Variants in PPP3CA observed in about 807,000 individuals in gnomAD.
The protein encoded by PPP3CA is CAM-PRP catalytic subunit.
Under a neutral mutation model 66.5 loss-of-function variants are expected in PPP3CA, and 14 were observed. The ratio of observed to expected loss-of-function variants is 0.21; its 90% CI spans 0.14 to 0.33. The LOEUF (loss-of-function observed/expected upper bound fraction) is 0.33. PPP3CA is among the 10% of genes least tolerant of loss of function. The pLI is 1.00. For synonymous variants in PPP3CA, 232 were observed against 226.2 expected, an observed-to-expected ratio of 1.03 and a Z score of -0.23; for missense variants, 317 against 639.5, an observed-to-expected ratio of 0.50 and a Z score of 5.44.
chr4:101,136,094 T>C (rs907707802), intron 2 of PPP3CA, among the ~76,000 whole-genome samples: 2 of 152,348 alleles, frequency 1.3e-5, no homozygotes, highest in Non-Finnish European at 2.9e-5. Context: ...TTTATCTATT[T>C]TTAAACAACA....
intron 1 of PPP3CA, among the ~76,000 whole-genome samples, chr4:101,321,624 G>T (rs1729044178): frequency 6.6e-6 from 1 of 152,126 alleles, no homozygotes; most frequent in South Asian, 2.1e-4. Flanking sequence ...TTCACTTGTT[G>T]TTGTCATCTG....
chr4:101,169,841 A>G (rs1183917779), intron 2 of PPP3CA, among the ~76,000 whole-genome samples: 1 of 152,110 alleles, frequency 6.6e-6, no homozygotes, highest in Non-Finnish European at 1.5e-5. Context: ...TTTACAAACC[A>G]TGCTTTTAAG....
At chr4:101,319,541 A>C (rs867958328) in intron 1 of PPP3CA, among the ~76,000 whole-genome samples, 3 of 152,188 alleles carry the variant, frequency 2.0e-5, no homozygotes, top group Non-Finnish European at 4.4e-5. Flanking sequence ...ATACTCCTTT[A>C]CGACTAAATC....
At chr4:101,292,710 T>C (rs372334804) in intron 1 of PPP3CA, among the ~76,000 whole-genome samples, 5 of 152,302 alleles carry the variant, frequency 3.3e-5, no homozygotes, top group Admixed American at 1.3e-4. Context: ...GAAGTAAGTA[T>C]AGCTTTTGGT....
chr4:101,282,319 A>C (rs1344875230), intron 1 of PPP3CA, among the ~76,000 whole-genome samples: 1 of 152,246 alleles, frequency 6.6e-6, no homozygotes, highest in Admixed American at 6.5e-5. Flanking sequence ...AAACCAGAAG[A>C]ATGACAAAGG....
At chr4:101,306,598 A>C (rs1692840830) in intron 1 of PPP3CA, among the ~76,000 whole-genome samples, 1 of 152,216 alleles carries the variant, frequency 6.6e-6, no homozygotes, top group South Asian at 2.1e-4. Flanking sequence ...GAATAAGAGA[A>C]GAGAGAGAAC....
At chr4:101,273,408 C>T (rs1388840299) in intron 1 of PPP3CA, among the ~76,000 whole-genome samples, 2 of 152,082 alleles carry the variant, frequency 1.3e-5, no homozygotes, top group Admixed American at 6.5e-5. Context: ...CTCACTGCAA[C>T]CTCTGCCTCC....
chr4:101,142,232 T>C (rs1449381946), intron 2 of PPP3CA, among the ~76,000 whole-genome samples: 1 of 152,174 alleles, frequency 6.6e-6, no homozygotes, highest in Admixed American at 6.5e-5. Context: ...AGTAAGCATT[T>C]TATAAATACT....
chr4:101,270,428 AT>A (rs1313663402), intron 1 of PPP3CA, among the ~76,000 whole-genome samples: 1 of 152,224 alleles, frequency 6.6e-6, no homozygotes, highest in Non-Finnish European at 1.5e-5. Context: ...GGACATATGC[AT>A]GATGCCATAC....
intron 1 of PPP3CA, among the ~76,000 whole-genome samples, chr4:101,335,314 C>G (rs1729589797): frequency 6.6e-6 from 1 of 151,600 alleles, no homozygotes; most frequent in Non-Finnish European, 1.5e-5. Flanking sequence ...CAAGTGAAAG[C>G]AAGCAGAAGA....
At chr4:101,295,163 C>T (rs908037777) in intron 1 of PPP3CA, among the ~76,000 whole-genome samples, 8 of 150,584 alleles carry the variant, frequency 5.3e-5, no homozygotes, top group African/African-American at 7.3e-5. Flanking sequence ...TAGCCGGGCG[C>T]GGTGGCGGGC....
intron 6 of PPP3CA, among the ~76,000 whole-genome samples, chr4:101,093,274 C>A (rs1198121184): frequency 6.6e-6 from 1 of 152,110 alleles, no homozygotes; most frequent in Admixed American, 6.6e-5. Context: ...AACTACCACC[C>A]TGATTAGTCA....
intron 2 of PPP3CA, chr4:101,158,070 CTT>C (rs1723383229): frequency 2.6e-5 from 4 of 152,066 alleles, no homozygotes; most frequent in Non-Finnish European, 5.9e-5. Flanking sequence ...AATGTTTTGT[CTT>C]TGTTTTGCAC....
chr4:101,160,513 C>A lies in PPP3CA; in HGVS notation c.259+35403G>T, dbSNP rs141789406. On this transcript the variant is annotated intron_variant, in intron 2 of 13. Transcript: ENST00000394854. ...GATCATGGTAAATGCACAGAGTGTG[C>A]TCTATGGGATAGCTATGTGAATACT... Among the ~76,000 whole-genome samples the A allele has an allele frequency of 3.7e-3, 569 of 152,182 alleles. 4 individuals are homozygous for A. Among genetic ancestry groups the A allele is most frequent in the Non-Finnish European group, 6.7e-3 (456 of 68,008 alleles).
At chr4:101,134,678 T>C (rs566753749) in intron 2 of PPP3CA, among the ~76,000 whole-genome samples, 1 of 152,322 alleles carries the variant, frequency 6.6e-6, no homozygotes, top group South Asian at 2.1e-4. Context: ...TGGCAATTCC[T>C]CAAGGATCTA....
At chr4:101,091,398 A>AT (rs1729934635) in intron 6 of PPP3CA, among the ~76,000 whole-genome samples, 2 of 152,324 alleles carry the variant, frequency 1.3e-5, no homozygotes, top group East Asian at 3.9e-4. Context: ...ATGCGTCTTT[A>AT]ATTCAGCCAA....
intron 11 of PPP3CA, among the ~76,000 whole-genome samples, chr4:101,040,022 A>G (rs1256120273): frequency 9.4e-6 from 1 of 106,046 alleles, no homozygotes; most frequent in African/African-American, 3.2e-5. Flanking sequence ...TGAAACAGTA[A>G]TTTTTCTCTC....
intron 1 of PPP3CA, among the ~76,000 whole-genome samples, chr4:101,289,967 C>T (rs11943655): frequency 0.076 from 11,417 of 150,646 alleles, 1,431 homozygotes; most frequent in African/African-American, 0.26. Context: ...GATCATGCTG[C>T]TAGAATGGTG....
intron 11 of PPP3CA, among the ~76,000 whole-genome samples, chr4:101,033,329 CAG>C (rs1390182588): frequency 7.4e-6 from 1 of 136,022 alleles, no homozygotes; most frequent in African/African-American, 2.7e-5. Context: ...CACACACACA[CAG>C]GGAGAGAGTT....
Sources: gnomAD v4.1 joint callset for allele counts (sites outside exome capture counted in the v4.1 genomes callset) on GRCh38, gnomAD v4.1.1 for gene constraint, MANE v1.5 for transcripts, NCBI Gene and HGNC (gene_info 2026-07-23, HGNC 2026-07-21) for gene names.